The following CNST variants were observed in gnomAD, a reference collection of about 807,000 sequenced individuals.
CNST encodes consortin.
CNST carries 39 observed loss-of-function variants against 72.4 expected under a neutral mutation model. The observed-to-expected ratio is 0.54, with a 90% CI of 0.42 to 0.70. CNST has a LOEUF of 0.70. Ranked by LOEUF, CNST falls within the 30% of genes least tolerant of loss-of-function variation. CNST has a pLI of 0.00. For missense variants in CNST, 871 were observed against 868.5 expected (o/e 1.00, Z -0.04); for synonymous variants, 332 against 320.1 (o/e 1.04, Z -0.40).
At position 246,660,335 on chromosome 1, in the gene CNST, G is replaced by A. The variant is rs1289930543; in HGVS notation, c.1972+1G>A. 6.2e-7 allele frequency: 1 copy of A among 1,612,630 alleles called. No individual in the cohort carries two copies. Among genetic ancestry groups the A allele is most frequent in the African/African-American group, 1.3e-5 (1 of 74,926 alleles). The stretch of plus-strand genomic sequence containing the variant: ...GAAATAGACGATAGCTTGGATCAAG[G>A]TAAACCGCTTGGCACTGTGGCTAGC... On this transcript the variant is annotated splice_donor_variant, in intron 10 of 10. Coordinates refer to ENST00000366513, the MANE Select transcript of CNST (RefSeq NM_152609.3). LOFTEE classifies it high-confidence loss of function.
chr1:246,648,248 T>C, intron 9 of CNST: 1 of 1,325,792 alleles, frequency 7.5e-7, no homozygotes, highest in South Asian at 1.9e-5. Flanking sequence ...TACTACAAGA[T>C]GTTCTATTGC....
chr1:246,599,900 T>A (rs1423088804), intron 2 of CNST, among the ~76,000 whole-genome samples: 1 of 152,236 alleles, frequency 6.6e-6, no homozygotes, highest in Non-Finnish European at 1.5e-5. Context: ...ACTATAAAAC[T>A]GCTGGTGCAC....
Position 246,660,295 on chromosome 1 carries a change from A to G in CNST, c.1933A>G (p.Arg645Gly), listed in dbSNP as rs1471953106. 6.2e-7 allele frequency: 1 copy of G among 1,614,052 alleles called. No homozygotes were observed. Among genetic ancestry groups the G allele is most frequent in the African/African-American group, 1.3e-5 (1 of 74,938 alleles). Reference protein sequence around the residue: ...AQMQHKPSKRRVRFQEIDDSL... With the variant: ...AQMQHKPSKRGVRFQEIDDSL... The stretch of plus-strand genomic sequence containing the variant: ...AATGCAACACAAACCATCTAAGCGA[A>G]GAGTGAGATTCCAAGAAATAGACGA... The change falls in exon 10 of 11, where the codon AGA becomes GGA. Residue 645 changes from arginine to glycine, a missense_variant. Coordinates refer to ENST00000366513, the MANE Select transcript of CNST (RefSeq NM_152609.3).
chr1:246,582,252 G>A (rs1179784961), intron 1 of CNST, among the ~76,000 whole-genome samples: 1 of 151,946 alleles, frequency 6.6e-6, no homozygotes, highest in Non-Finnish European at 1.5e-5. Context: ...ATCTGTTACT[G>A]ACAGTTATCA....
At chr1:246,591,044 T>C (rs2103025015) in intron 1 of CNST, among the ~76,000 whole-genome samples, 1 of 152,262 alleles carries the variant, frequency 6.6e-6, no homozygotes, top group African/African-American at 2.4e-5. Flanking sequence ...CATTTCCAAA[T>C]ATTGCTGCTG....
chr1:246,624,763 A>C (rs1664310102), intron 3 of CNST, among the ~76,000 whole-genome samples: 1 of 152,144 alleles, frequency 6.6e-6, no homozygotes, highest in South Asian at 2.1e-4. Context: ...CATTTTTATC[A>C]AATTTTTGCT....
chr1:246,632,037 A>G, intron 4 of CNST, 113 bp downstream of exon 4: 4 of 682,218 alleles, frequency 5.9e-6, no homozygotes, highest in Non-Finnish European at 7.5e-6. Context: ...ATATGGTTTC[A>G]GTGGTTTTGA....
In CNST at chr1:246,591,761, G is replaced by A. The variant is rs1182045239; in HGVS notation, c.199G>A (p.Asp67Asn). 6 of 1,614,044 alleles carry A rather than the reference G, an allele frequency of 3.7e-6. No individual in the cohort carries two copies. Among genetic ancestry groups the A allele is most frequent in the Middle Eastern group, 1.6e-4 (1 of 6,082 alleles). Residue 67 changes from aspartate to asparagine, a missense_variant, in exon 2 of 11, where the codon GAC becomes AAC. Asp to Asn is a conservative substitution (Grantham distance 23). Transcript: ENST00000366513. ...GGGAAAGCCCCAAGTGTCTGAGCAG[G>A]ACAGTCTCAATAATAATGAAAGCTG... is the stretch of plus-strand genomic sequence containing the variant. Reference protein sequence around the residue: ...AMGKPQVSEQDSLNNNESCTL... With the variant: ...AMGKPQVSEQNSLNNNESCTL...
At chr1:246,584,456 T>C (rs1350866917) in intron 1 of CNST, among the ~76,000 whole-genome samples, 4 of 151,826 alleles carry the variant, frequency 2.6e-5, no homozygotes, top group Non-Finnish European at 4.4e-5. Flanking sequence ...CAAATGAAAA[T>C]TGGTGTCGAG....
chr1:246,585,454 C>G (rs557183257), intron 1 of CNST, among the ~76,000 whole-genome samples: 2 of 152,016 alleles, frequency 1.3e-5, no homozygotes, highest in Non-Finnish European at 2.9e-5. Context: ...CGAGATCAGC[C>G]TGTCCAACAT....
chr1:246,647,353 G>A lies in CNST; in HGVS notation c.1152G>A (p.Pro384=), dbSNP rs547769660. Reference sequence around the variant, plus strand: ...AGTCCTCCGAGACAGCAGGGAGCCCGTCTGGGCCAGACTCTTCTGAGGATG... The same window carrying A: ...AGTCCTCCGAGACAGCAGGGAGCCCATCTGGGCCAGACTCTTCTGAGGATG... ...HTQSSETAGS[P]SGPDSSEDAC... Residue 384 remains proline (P), a synonymous_variant, in exon 9 of 11, where the codon CCG becomes CCA. Coordinates refer to ENST00000366513, the MANE Select transcript of CNST (RefSeq NM_152609.3). 2.5e-5 allele frequency: 40 copies of A among 1,614,160 alleles called. No individual in the cohort carries two copies. Among genetic ancestry groups the A allele is most frequent in the Middle Eastern group, 3.3e-4 (2 of 6,062 alleles).
chr1:246,600,113 G>T (rs979776210), intron 2 of CNST, among the ~76,000 whole-genome samples: 1 of 152,202 alleles, frequency 6.6e-6, no homozygotes, highest in Non-Finnish European at 1.5e-5. Flanking sequence ...GGACAAAGAG[G>T]AGAGGAAGGA....
intron 9 of CNST, among the ~76,000 whole-genome samples, chr1:246,651,474 C>G (rs758347352): frequency 6.6e-6 from 1 of 152,194 alleles, no homozygotes; most frequent in Non-Finnish European, 1.5e-5. Context: ...CATTGCCCAG[C>G]CTTGGCTCCA....
In CNST at chr1:246,647,653, G is replaced by A; in HGVS notation, c.1452G>A (p.Leu484=). 1 of 1,614,182 alleles carries A rather than the reference G, an allele frequency of 6.2e-7. No individual in the cohort carries two copies. Among genetic ancestry groups the A allele is most frequent in the Non-Finnish European group, 8.5e-7 (1 of 1,180,034 alleles). The stretch of plus-strand genomic sequence containing the variant: ...TTGAGAACAATGAATTAAATGAGCT[G>A]CAGCAGCCTGATCTTACAGACAGTG... The part of the protein sequence containing the change: ...DQLENNELNE[L]QQPDLTDSDG... Residue 484 remains leucine (L), a synonymous_variant, in exon 9 of 11, where the codon CTG becomes CTA. Coordinates refer to ENST00000366513, the MANE Select transcript of CNST (RefSeq NM_152609.3).
intron 1 of CNST, among the ~76,000 whole-genome samples, chr1:246,580,354 G>A (rs1200447698): frequency 6.6e-6 from 1 of 151,986 alleles, no homozygotes; most frequent in Non-Finnish European, 1.5e-5. Flanking sequence ...GTACTCTTTT[G>A]AGTAAATTCT....
intron 9 of CNST, among the ~76,000 whole-genome samples, chr1:246,659,738 G>C (rs775214928): frequency 5.3e-5 from 8 of 152,126 alleles, no homozygotes; most frequent in African/African-American, 1.9e-4. Context: ...TAAAAGCTTG[G>C]TATCTAAATA....
chr1:246,590,879 G>A (rs1572137106), intron 1 of CNST, among the ~76,000 whole-genome samples: 1 of 127,518 alleles, frequency 7.8e-6, no homozygotes. Flanking sequence ...TTTTTTTTAA[G>A]TGTTCAAAAG....
At chr1:246,662,882 C>A (rs1667182283) in intron 10 of CNST, among the ~76,000 whole-genome samples, 1 of 152,206 alleles carries the variant, frequency 6.6e-6, no homozygotes, top group Non-Finnish European at 1.5e-5. Context: ...TGGCTCACAT[C>A]GGACAGTACA....
chr1:246,610,772 G>C (rs1014464112), intron 2 of CNST, among the ~76,000 whole-genome samples: 6 of 151,828 alleles, frequency 4.0e-5, no homozygotes, highest in African/African-American at 1.5e-4. Context: ...GGTCTTCTCT[G>C]GCCCTTTCTA....
Sources: gnomAD v4.1 joint callset for allele counts (sites outside exome capture counted in the v4.1 genomes callset) on GRCh38, gnomAD v4.1.1 for gene constraint, MANE v1.5 for transcripts, NCBI Gene and HGNC (gene_info 2026-07-23, HGNC 2026-07-21) for gene names.